EPS15L1: variants seen among roughly 807,000 people sequenced by gnomAD.
EPS15L1 encodes epidermal growth factor receptor pathway substrate 15 like 1.
In EPS15L1, 43 loss-of-function variants were observed where a neutral mutation model predicts 117.1. The ratio of observed to expected loss-of-function variants is 0.37; its 90% CI spans 0.29 to 0.47. EPS15L1 has a LOEUF of 0.47. EPS15L1 is among the 20% of genes least tolerant of loss of function. The pLI is 0.99. For missense variants in EPS15L1, 981 were observed against 1,164.0 expected, an observed-to-expected ratio of 0.84 and a Z score of 2.29; for synonymous variants, 459 against 470.5, an observed-to-expected ratio of 0.98 and a Z score of 0.32.
At chr19:16,447,761 G>A (rs1220677933) in intron 1 of EPS15L1, among the ~76,000 whole-genome samples, 3 of 148,290 alleles carry the variant, frequency 2.0e-5, no homozygotes, top group African/African-American at 2.5e-5. Flanking sequence ...CTTCATCTTC[G>A]GAAAAAAAAA....
In EPS15L1 at chr19:16,356,269, C is replaced by A. The variant is rs376620925; in HGVS notation, c.2587-418G>T. 61 of 194,006 alleles carry A rather than the reference C, an allele frequency of 3.1e-4. 1 individual carries two copies. The Middle Eastern group carries it at 0.012, about 37-fold the overall frequency. 12.0% of individuals were successfully genotyped at this position (194,006 alleles called of 1,614,324 possible). ...TGTGGTATTTCTACCTCCAGCCATG[C>A]TCCAGAGAGCTCTGAGACCCTCTGA... On this transcript the variant is annotated intron_variant, in intron 23 of 23. Transcript: ENST00000455140.
In EPS15L1 at chr19:16,471,661, C is replaced by T. The variant is rs2145227707; in HGVS notation, c.33+252G>A. Among the ~76,000 whole-genome samples the T allele has an allele frequency of 6.6e-6, 1 of 152,216 alleles. No homozygotes were observed. Among genetic ancestry groups the T allele is most frequent in the Admixed American group, 6.5e-5 (1 of 15,298 alleles). On this transcript the variant is annotated intron_variant, in intron 1 of 23. Coordinates refer to ENST00000455140, the MANE Select transcript of EPS15L1 (RefSeq NM_001258374.3). The surrounding 1 kb of genome is among the most constrained non-coding windows in gnomAD (Gnocchi z 4.8). ...AGCTTCAGCGGCGGCAGGGTCCGGG[C>T]CCTGGGCGGAGAGGACACGCGCTGC...
chr19:16,457,016 G>A (rs368081143), intron 1 of EPS15L1, among the ~76,000 whole-genome samples: 3 of 152,140 alleles, frequency 2.0e-5, no homozygotes, highest in Non-Finnish European at 4.4e-5. Context: ...GATGGTAAAC[G>A]GCAGAAATCC....
chr19:16,469,346 C>T (rs1354428797), intron 1 of EPS15L1, among the ~76,000 whole-genome samples: 7 of 151,954 alleles, frequency 4.6e-5, no homozygotes, highest in South Asian at 2.1e-4. Flanking sequence ...TTGCGGAGTT[C>T]GAGGAGGATC....
intron 18 of EPS15L1, among the ~76,000 whole-genome samples, 156 bp downstream of exon 18, chr19:16,393,795 G>A (rs1290980838): frequency 6.6e-6 from 1 of 152,136 alleles, no homozygotes; most frequent in Non-Finnish European, 1.5e-5. Context: ...AGAAGGGAAC[G>A]GGACCGAGAA....
At chr19:16,457,247 T>C (rs2093206518) in intron 1 of EPS15L1, among the ~76,000 whole-genome samples, 1 of 152,196 alleles carries the variant, frequency 6.6e-6, no homozygotes, top group African/African-American at 2.4e-5. Flanking sequence ...GGTGCAGGTG[T>C]GGAGGTGAAC....
At chr19:16,441,144 A>G (rs1234854905) in intron 3 of EPS15L1, 5 of 562,818 alleles carry the variant, frequency 8.9e-6, no homozygotes, top group African/African-American at 3.8e-5. Flanking sequence ...TCCCAAGCCA[A>G]TGGTGTTTAT....
At chr19:16,449,939 T>G (rs113212693) in intron 1 of EPS15L1, among the ~76,000 whole-genome samples, 85 of 152,262 alleles carry the variant, frequency 5.6e-4, no homozygotes, top group Non-Finnish European at 9.6e-4. Context: ...CATAACATCA[T>G]TAAAATGATA....
At chr19:16,400,593 T>G (rs1599582697) in intron 16 of EPS15L1, 1 of 968,010 alleles carries the variant, frequency 1.0e-6, no homozygotes, top group African/African-American at 1.8e-5. Context: ...AAAATCTCTC[T>G]TCCAAGTATT....
At chr19:16,402,125 C>G in intron 16 of EPS15L1, 196 bp downstream of exon 16, 2 of 1,351,614 alleles carry the variant, frequency 1.5e-6, no homozygotes. Context: ...TTCTGGAAGC[C>G]AGGATTCAGC....
chr19:16,469,505 A>C (rs940403128), intron 1 of EPS15L1, among the ~76,000 whole-genome samples: 1 of 151,990 alleles, frequency 6.6e-6, no homozygotes, highest in Non-Finnish European at 1.5e-5. Context: ...GAGACACACA[A>C]ATCACTGAGA....
At chr19:16,468,356 C>CT (rs1013921407) in intron 1 of EPS15L1, among the ~76,000 whole-genome samples, 1 of 152,122 alleles carries the variant, frequency 6.6e-6, no homozygotes, top group Non-Finnish European at 1.5e-5. Flanking sequence ...TCAAAGCTGA[C>CT]TTTTTTTGAG....
At chr19:16,464,877 G>T (rs12611408) in intron 1 of EPS15L1, among the ~76,000 whole-genome samples, 1 of 151,548 alleles carries the variant, frequency 6.6e-6, no homozygotes, top group African/African-American at 2.4e-5. Flanking sequence ...AGGTCAGATC[G>T]AGACCATCCT....
chr19:16,394,839 A>T lies in EPS15L1; in HGVS notation c.1915+505T>A, dbSNP rs1028230041. 4.6e-5 allele frequency among the ~76,000 whole-genome samples: 7 copies of T among 152,118 alleles called. 1 individual carries two copies. Among genetic ancestry groups the T allele is most frequent in the Admixed American group, 1.3e-4 (2 of 15,254 alleles). On this transcript the variant is annotated intron_variant, in intron 17 of 23. Coordinates refer to ENST00000455140, the MANE Select transcript of EPS15L1 (RefSeq NM_001258374.3). ...AAGGGGGCTGGCCAAGCTGCCTTCA[A>T]ATGTGGGTCTTGTGGTGAGCTTGGA...
At chr19:16,468,136 C>A (rs1202695616) in intron 1 of EPS15L1, among the ~76,000 whole-genome samples, 2 of 152,116 alleles carry the variant, frequency 1.3e-5, no homozygotes, top group African/African-American at 4.8e-5. Context: ...AACTCTCATT[C>A]GGGTGGGGCT....
intron 1 of EPS15L1, among the ~76,000 whole-genome samples, chr19:16,443,001 G>A (rs2093047656): frequency 6.6e-6 from 1 of 152,222 alleles, no homozygotes; most frequent in Non-Finnish European, 1.5e-5. Flanking sequence ...CCAGGGAAGG[G>A]GAGGGACACC....
chr19:16,399,499 C>T (rs997425527), intron 16 of EPS15L1, among the ~76,000 whole-genome samples: 8 of 152,162 alleles, frequency 5.3e-5, no homozygotes, highest in Admixed American at 5.2e-4. Context: ...GAAGAAGCTT[C>T]TGTGACATTC....
intron 10 of EPS15L1, among the ~76,000 whole-genome samples, chr19:16,418,825 G>A (rs1009872894): frequency 9.2e-5 from 14 of 152,146 alleles, no homozygotes; most frequent in Non-Finnish European, 1.0e-4. Context: ...GCAGGTGGCC[G>A]TCTACAAACT....
In EPS15L1 at chr19:16,422,800, C is replaced by T. The variant is rs138692695; in HGVS notation, c.793-1324G>A. 7.9e-5 allele frequency among the ~76,000 whole-genome samples: 12 copies of T among 152,114 alleles called. No individual in the cohort carries two copies. The East Asian group carries it at 2.3e-3, about 29-fold the overall frequency. ...GGTGAAACCCCCTCTCTACTAAAAACACGAAAAATTAGCCAGGTGTGGTGG... is the reference window on the plus strand; with the variant it reads ...GGTGAAACCCCCTCTCTACTAAAAATACGAAAAATTAGCCAGGTGTGGTGG... On this transcript the variant is annotated intron_variant, in intron 9 of 23. Coordinates refer to ENST00000455140, the MANE Select transcript of EPS15L1 (RefSeq NM_001258374.3).
Sources: allele counts gnomAD v4.1 joint callset (sites outside exome capture counted in the v4.1 genomes callset), GRCh38; gene constraint gnomAD v4.1.1; non-coding constraint Gnocchi (gnomAD v3.1); transcripts MANE v1.5; gene names NCBI Gene and HGNC (gene_info 2026-07-23, HGNC 2026-07-21).